Variants in WNT4 observed in about 807,000 individuals in gnomAD.
WNT4 encodes the protein protein Wnt-4.
Under a neutral mutation model 34.5 loss-of-function variants are expected in WNT4, and 16 were observed. The ratio of observed to expected loss-of-function variants is 0.46; its 90% CI spans 0.31 to 0.70. The LOEUF is 0.70. WNT4 is among the 30% of genes least tolerant of loss of function. The pLI, the probability that WNT4 is intolerant of heterozygous loss-of-function variation, is 0.04. For missense variants in WNT4, 379 were observed against 495.9 expected (o/e 0.76, Z 2.24); for synonymous variants, 200 against 211.9 (o/e 0.94, Z 0.49).
At chr1:22,120,721 T>A (rs747811229) in intron 4 of WNT4, among the ~76,000 whole-genome samples, 14 of 152,134 alleles carry the variant, frequency 9.2e-5, no homozygotes, top group Non-Finnish European at 1.5e-4. Flanking sequence ...TCCCTGCACT[T>A]GGGGCACTGG....
intron 2 of WNT4, among the ~76,000 whole-genome samples, chr1:22,128,643 C>T (rs969247099): frequency 2.6e-4 from 39 of 152,338 alleles, no homozygotes; most frequent in African/African-American, 9.4e-4. Context: ...ACAGCGTCTC[C>T]TCATCGAGGA....
chr1:22,139,874 G>A lies in WNT4; in HGVS notation c.77+2972C>T, dbSNP rs1646052252. Among the ~76,000 whole-genome samples, 1 of 152,144 alleles carries A rather than the reference G, an allele frequency of 6.6e-6. No individual in the cohort carries two copies. Among genetic ancestry groups the A allele is most frequent in the Admixed American group, 6.5e-5 (1 of 15,276 alleles). On this transcript the variant is annotated intron_variant, in intron 1 of 4. Coordinates refer to ENST00000290167, the MANE Select transcript of WNT4 (RefSeq NM_030761.5). The surrounding 1 kb of genome is among the most constrained non-coding windows in gnomAD (Gnocchi z 4.6). ...CCATCGGGCCCTCCCTCAGTGGTGGGAGCCGTCACAAGCTGTCAGCGGGCT... is the reference window on the plus strand; with the variant it reads ...CCATCGGGCCCTCCCTCAGTGGTGGAAGCCGTCACAAGCTGTCAGCGGGCT...
chr1:22,121,254 C>T lies in WNT4; in HGVS notation c.545G>A (p.Ser182Asn). 6.2e-7 allele frequency: 1 copy of T among 1,614,118 alleles called. No individual in the cohort carries two copies. Among genetic ancestry groups the T allele is most frequent in the South Asian group, 1.1e-5 (1 of 91,080 alleles). The stretch of plus-strand genomic sequence containing the variant: ...GTTGTGGAGGTTCATGAGGGCTCTG[C>T]TGGACGAGGCCCCCTTGCTTCTCTC... ...VRERSKGASS[S>N]RALMNLHNNE... Residue 182 changes from serine (S) to asparagine (N), a missense_variant, in exon 4 of 5, where the codon AGC becomes AAC. This residue lies in a region of WNT4 where 313 missense variants were observed against 445.8 expected (regional missense o/e 0.70). Transcript: ENST00000290167.
In WNT4 at chr1:22,142,186, CG is replaced by C. The variant is rs1646073622; in HGVS notation, c.77+659del. Among the ~76,000 whole-genome samples the C allele has an allele frequency of 6.6e-6, 1 of 152,166 alleles. No individual in the cohort carries two copies. The highest frequency in any genetic ancestry group is 2.4e-5 in the African/African-American group (1 of 41,458). The stretch of plus-strand genomic sequence containing the variant: ...CACCCCTTCCTCCTTAGGCTAGACA[CG>C]GGGAGCTGGGGGGCCGTTGTCTTCT... On this transcript the variant is annotated intron_variant, in intron 1 of 4. Coordinates refer to ENST00000290167, the MANE Select transcript of WNT4 (RefSeq NM_030761.5). This position sits in a 1 kb window ranked among gnomAD's most constrained non-coding sequence, Gnocchi z 6.0.
chr1:22,132,119 C>T (rs1242341526), intron 1 of WNT4, among the ~76,000 whole-genome samples: 1 of 152,130 alleles, frequency 6.6e-6, no homozygotes, highest in Non-Finnish European at 1.5e-5. Context: ...GCCAGGTCCA[C>T]GTTCAGGCCA....
chr1:22,141,006 G>C (rs1646061837), intron 1 of WNT4, among the ~76,000 whole-genome samples: 1 of 152,220 alleles, frequency 6.6e-6, no homozygotes, highest in Non-Finnish European at 1.5e-5. Context: ...ATGGGTGAAG[G>C]TGAGTGGTGA....
chr1:22,129,235 C>T (rs56673898), intron 2 of WNT4, among the ~76,000 whole-genome samples: 83,138 of 151,990 alleles, frequency 0.55, 23,247 homozygotes, highest in African/African-American at 0.58. Context: ...GGGTCTGAGC[C>T]CTGACTGCTT....
At position 22,119,961 on chromosome 1, in the gene WNT4, A is replaced by G. The variant is rs1645879898; in HGVS notation, c.*89T>C. 1 of 1,474,818 alleles carries G rather than the reference A, an allele frequency of 6.8e-7. No individual in the cohort carries two copies. Among genetic ancestry groups the G allele is most frequent in the African/African-American group, 1.4e-5 (1 of 72,048 alleles). The allele number at this position is 1,474,818 out of a possible 1,614,324, so 91.4% of individuals were successfully genotyped here. ...AACCAGAACAAAAAATACAACCAGTATCTCTTGGGGTAGGTGGTGGGAGAC... is the reference window on the plus strand; with the variant it reads ...AACCAGAACAAAAAATACAACCAGTGTCTCTTGGGGTAGGTGGTGGGAGAC... On this transcript the variant is annotated 3_prime_UTR_variant, in exon 5 of 5. Coordinates refer to ENST00000290167, the MANE Select transcript of WNT4 (RefSeq NM_030761.5).
rs1306651614 is a variant in WNT4 at position 22,134,625 on chromosome 1, T to C, written c.78-4774A>G. Among the ~76,000 whole-genome samples, 1 of 152,150 alleles carries C rather than the reference T, an allele frequency of 6.6e-6. No individual in the cohort carries two copies. Among genetic ancestry groups the C allele is most frequent in the Non-Finnish European group, 1.5e-5 (1 of 68,024 alleles). On this transcript the variant is annotated intron_variant, in intron 1 of 4. Transcript: ENST00000290167. This position sits in a 1 kb window ranked among gnomAD's most constrained non-coding sequence, Gnocchi z 4.1. The stretch of plus-strand genomic sequence containing the variant: ...CTCTGAGCCTCAGCGTGTTCATCTG[T>C]AAAGTGGGGAGACTGGAATTCCTGC...
In WNT4 at chr1:22,139,485, G is replaced by A. The variant is rs939461446; in HGVS notation, c.77+3361C>T. 3.3e-5 allele frequency among the ~76,000 whole-genome samples: 5 copies of A among 152,148 alleles called. No individual in the cohort carries two copies. Among genetic ancestry groups the A allele is most frequent in the African/African-American group, 4.8e-5 (2 of 41,430 alleles). ...CAAAGACCCACTTCTTGGCCATGCC[G>A]CCGGCCTGCCTCTGAGTGCAGCGTG... On this transcript the variant is annotated intron_variant, in intron 1 of 4. Coordinates refer to ENST00000290167, the MANE Select transcript of WNT4 (RefSeq NM_030761.5). The surrounding 1 kb of genome is among the most constrained non-coding windows in gnomAD (Gnocchi z 4.6).
chr1:22,123,075 C>T (rs1006160399), intron 2 of WNT4, among the ~76,000 whole-genome samples: 1 of 152,182 alleles, frequency 6.6e-6, no homozygotes, highest in African/African-American at 2.4e-5. Context: ...GCTGTGGCCG[C>T]CCAAAGAGAG....
rs528724454 is a variant in WNT4 at position 22,120,657 on chromosome 1, A to T, written c.589-140T>A. 2.7e-5 allele frequency: 22 copies of T among 801,072 alleles called. No individual in the cohort carries two copies. The African/African-American group carries it at 3.6e-4, about 13-fold the overall frequency. The allele number at this position is 801,072 out of a possible 1,614,324, so 49.6% of individuals were successfully genotyped here. A position where few individuals can be genotyped will look rare whatever the true frequency, so the allele number is the denominator to read the frequency against. ...ATTTGCCGTTGTGCCTCCTCTTAGG[A>T]ATTACGCGGTACTGGGCTGCTAAGC... On this transcript the variant is annotated intron_variant, in intron 4 of 4. Transcript: ENST00000290167.
At chr1:22,130,877 T>C (rs746119837) in intron 1 of WNT4, among the ~76,000 whole-genome samples, 16 of 152,248 alleles carry the variant, frequency 1.1e-4, no homozygotes, top group Non-Finnish European at 1.8e-4. Context: ...TTCTTTCTGA[T>C]GATAAGAAGA....
rs913018013 is a variant in WNT4 at position 22,117,313 on chromosome 1, TAAAG to T, written c.*2733_*2736del. The T allele has an allele frequency of 7.2e-5, 11 of 152,232 alleles. No homozygotes were observed. The highest frequency in any genetic ancestry group is 1.3e-4 in the Admixed American group (2 of 15,290). The allele number at this position is 152,232 out of a possible 1,614,324, so 9.4% of individuals were successfully genotyped here. A position where few individuals can be genotyped will look rare whatever the true frequency, so the allele number is the denominator to read the frequency against. ...AAAAGTCACTGTCACAATTGCAAGA[TAAAG>T]AAATAATTGTTTTATCGTGCATCAG... On this transcript the variant is annotated 3_prime_UTR_variant, in exon 5 of 5. Transcript: ENST00000290167.
chr1:22,128,407 T>C (rs929512410), intron 2 of WNT4, among the ~76,000 whole-genome samples: 1 of 152,052 alleles, frequency 6.6e-6, no homozygotes, highest in African/African-American at 2.4e-5. Flanking sequence ...TGGTTTAGAG[T>C]ACTTCCTTGA....
At position 22,140,650 on chromosome 1, in the gene WNT4, G is replaced by A. The variant is rs202014182; in HGVS notation, c.77+2196C>T. The stretch of plus-strand genomic sequence containing the variant: ...TGTTCGACAGAGGTTGATAAATATT[G>A]GACCAACCTTGGTATGTGCCCAGTG... On this transcript the variant is annotated intron_variant, in intron 1 of 4. Coordinates refer to ENST00000290167, the MANE Select transcript of WNT4 (RefSeq NM_030761.5). This position sits in a 1 kb window ranked among gnomAD's most constrained non-coding sequence, Gnocchi z 5.9. Among the ~76,000 whole-genome samples the A allele has an allele frequency of 3.3e-5, 5 of 152,260 alleles. No homozygotes were observed. The East Asian group carries it at 9.7e-4, about 29-fold the overall frequency.
intron 1 of WNT4, among the ~76,000 whole-genome samples, chr1:22,135,071 T>G (rs1570111537): frequency 6.6e-6 from 1 of 150,584 alleles, no homozygotes; most frequent in Admixed American, 6.6e-5. Flanking sequence ...GGCTGGGGAG[T>G]GTGAGAGATG....
chr1:22,132,708 G>A (rs774516512), intron 1 of WNT4, among the ~76,000 whole-genome samples: 7 of 152,178 alleles, frequency 4.6e-5, no homozygotes, highest in Non-Finnish European at 1.0e-4. Context: ...CTGGGCTGCC[G>A]TGGCCGTGAG....
chr1:22,131,590 G>T (rs1008654616), intron 1 of WNT4, among the ~76,000 whole-genome samples: 3 of 152,170 alleles, frequency 2.0e-5, no homozygotes, highest in Non-Finnish European at 2.9e-5. Flanking sequence ...CCTGAGCCTG[G>T]CTTTCCTTAT....
Sources: allele counts gnomAD v4.1 joint callset (sites outside exome capture counted in the v4.1 genomes callset), GRCh38; gene constraint gnomAD v4.1.1; regional missense constraint gnomAD v4.1.1; non-coding constraint Gnocchi (gnomAD v3.1); transcripts MANE v1.5; gene names NCBI Gene and HGNC (gene_info 2026-07-23, HGNC 2026-07-21).